Variants in USP32 observed in about 807,000 individuals in gnomAD.
USP32 encodes ubiquitin specific peptidase 32.
Under a neutral mutation model 204.8 loss-of-function variants are expected in USP32, and 59 were observed. The observed-to-expected ratio is 0.29, with a 90% CI of 0.23 to 0.36. USP32 has a LOEUF of 0.36. USP32 is among the 10% of genes least tolerant of loss of function. The probability of loss-of-function intolerance (pLI) is 1.00; values close to 1 mark genes in which losing one functional copy is unlikely to be tolerated. For synonymous variants in USP32, 517 were observed against 678.4 expected, an observed-to-expected ratio of 0.76 and a Z score of 3.70; for missense variants, 1,160 against 1,946.4, an observed-to-expected ratio of 0.60 and a Z score of 7.60.
Position 60,373,865 on chromosome 17 carries a change from T to C in USP32, c.58+18017A>G, listed in dbSNP as rs553585046. 9.8e-5 allele frequency among the ~76,000 whole-genome samples: 15 copies of C among 152,316 alleles called. No homozygotes were observed. The East Asian group carries it at 2.9e-3, about 29-fold the overall frequency. ...TCCAAAAATATTTTTTCTTTATATCTTTATTTAAAAAGTTTTTACTATTCA... is the reference window on the plus strand; with the variant it reads ...TCCAAAAATATTTTTTCTTTATATCCTTATTTAAAAAGTTTTTACTATTCA... On this transcript the variant is annotated intron_variant, in intron 1 of 33. Transcript: ENST00000300896.
At chr17:60,361,332 C>A (rs531106433) in intron 1 of USP32, among the ~76,000 whole-genome samples, 1 of 152,082 alleles carries the variant, frequency 6.6e-6, no homozygotes, top group Non-Finnish European at 1.5e-5. Flanking sequence ...AAACTTACAG[C>A]GGTTAGCATA....
chr17:60,188,338 G>A (rs2084298804), intron 29 of USP32, among the ~76,000 whole-genome samples: 1 of 152,160 alleles, frequency 6.6e-6, no homozygotes, highest in Non-Finnish European at 1.5e-5. Flanking sequence ...TTAAAAGGCA[G>A]GGAATCCTTT....
intron 29 of USP32, among the ~76,000 whole-genome samples, chr17:60,187,664 C>CT (rs767088801): frequency 2.0e-5 from 3 of 152,302 alleles, no homozygotes; most frequent in East Asian, 1.9e-4. Flanking sequence ...GGAACACAGG[C>CT]TACAGTGCTA....
chr17:60,249,638 A>G (rs2086117381), intron 11 of USP32: 1 of 668,918 alleles, frequency 1.5e-6, no homozygotes, highest in East Asian at 2.8e-5. Flanking sequence ...ATGGGAGGAA[A>G]TGAAAGCTGC....
intron 5 of USP32, among the ~76,000 whole-genome samples, chr17:60,286,499 T>C (rs2087115792): frequency 6.6e-6 from 1 of 152,128 alleles, no homozygotes; most frequent in African/African-American, 2.4e-5. Flanking sequence ...CAAGGAATAA[T>C]TCTTTTCTAG....
chr17:60,417,759 T>C (rs1288452650), intron 1 of USP32, among the ~76,000 whole-genome samples: 1 of 151,586 alleles, frequency 6.6e-6, no homozygotes, highest in Non-Finnish European at 1.5e-5. Context: ...CCCAGCCTGA[T>C]TTTTAAAATT....
chr17:60,286,309 T>C (rs997057493), intron 5 of USP32, among the ~76,000 whole-genome samples: 1 of 152,244 alleles, frequency 6.6e-6, no homozygotes, highest in Admixed American at 6.5e-5. Context: ...ATAGGGTCTT[T>C]GCGGATGTAA....
intron 2 of USP32, among the ~76,000 whole-genome samples, chr17:60,336,451 C>T (rs2088518432): frequency 7.0e-6 from 1 of 142,704 alleles, no homozygotes; most frequent in South Asian, 2.1e-4. Flanking sequence ...CGCGGTGGCT[C>T]ACGCCTGTAA....
At chr17:60,215,957 C>G (rs2085090098) in intron 16 of USP32, among the ~76,000 whole-genome samples, 1 of 152,170 alleles carries the variant, frequency 6.6e-6, no homozygotes, top group Admixed American at 6.5e-5. Context: ...ACCTTGGCCC[C>G]CCAAAGTTCT....
chr17:60,319,589 G>T (rs1184303552), intron 2 of USP32, among the ~76,000 whole-genome samples: 1 of 152,084 alleles, frequency 6.6e-6, no homozygotes, highest in African/African-American at 2.4e-5. Context: ...ACCAGCCTGG[G>T]CAACATGGTG....
At chr17:60,262,147 A>G (rs2086468470) in intron 9 of USP32, among the ~76,000 whole-genome samples, 1 of 152,132 alleles carries the variant, frequency 6.6e-6, no homozygotes, top group Non-Finnish European at 1.5e-5. Flanking sequence ...TCTAAAGCAA[A>G]TTCACTGACT....
intron 1 of USP32, among the ~76,000 whole-genome samples, chr17:60,354,836 A>T (rs2089031466): frequency 6.6e-6 from 1 of 152,230 alleles, no homozygotes; most frequent in Non-Finnish European, 1.5e-5. Flanking sequence ...GCTTAAGGTC[A>T]GGAGTTCGAA....
At chr17:60,241,211 C>A (rs2085869305) in intron 11 of USP32, among the ~76,000 whole-genome samples, 1 of 152,094 alleles carries the variant, frequency 6.6e-6, no homozygotes, top group East Asian at 1.9e-4. Flanking sequence ...GTTGGCCAGG[C>A]TGGTCTCGAA....
At chr17:60,302,074 T>C (rs1027836040) in intron 2 of USP32, among the ~76,000 whole-genome samples, 11 of 152,114 alleles carry the variant, frequency 7.2e-5, no homozygotes, top group African/African-American at 2.7e-4. Context: ...TGAAGGCTAA[T>C]GTAAGTGTTC....
In USP32 at chr17:60,370,764, C is replaced by CAAA. The variant is rs112650493; in HGVS notation, c.58+21115_58+21117dup. 4.1e-5 allele frequency among the ~76,000 whole-genome samples: 3 copies of CAAA among 72,678 alleles called. No individual in the cohort carries two copies. The East Asian group carries it at 1.4e-3, about 34-fold the overall frequency. The allele number at this position is 72,678 out of a possible 152,430, so 47.7% of individuals were successfully genotyped here. The stretch of plus-strand genomic sequence containing the variant: ...GTGACAGAGTGAAATGCTACTGTCT[C>CAAA]AAAAAAAAAAAAAAAAAAAGAAGAA... On this transcript the variant is annotated intron_variant, in intron 1 of 33. Coordinates refer to ENST00000300896, the MANE Select transcript of USP32 (RefSeq NM_032582.4).
At chr17:60,274,341 G>A (rs1239988154) in intron 5 of USP32, among the ~76,000 whole-genome samples, 1 of 152,018 alleles carries the variant, frequency 6.6e-6, no homozygotes, top group Non-Finnish European at 1.5e-5. Flanking sequence ...ACATACAATT[G>A]GGATCCCAGA....
At chr17:60,355,887 T>TTA (rs777705136) in intron 1 of USP32, among the ~76,000 whole-genome samples, 1 of 51,506 alleles carries the variant, frequency 1.9e-5, no homozygotes, top group Non-Finnish European at 3.9e-5. Context: ...TGAACCTCTG[T>TTA]AAAAAAAAAA....
intron 26 of USP32, among the ~76,000 whole-genome samples, chr17:60,201,066 C>T (rs893888735): frequency 3.3e-5 from 5 of 152,134 alleles, no homozygotes; most frequent in African/African-American, 9.7e-5. Context: ...CCATGTTGCC[C>T]AGGCTGGTCT....
chr17:60,408,159 T>C (rs1186073363), intron 1 of USP32, among the ~76,000 whole-genome samples: 1 of 151,936 alleles, frequency 6.6e-6, no homozygotes, highest in Non-Finnish European at 1.5e-5. Context: ...AAAAAATTAC[T>C]ATTTATACCA....
Sources: allele counts gnomAD v4.1 joint callset (sites outside exome capture counted in the v4.1 genomes callset), GRCh38; gene constraint gnomAD v4.1.1; transcripts MANE v1.5; gene names NCBI Gene and HGNC (gene_info 2026-07-23, HGNC 2026-07-21).